CTNNA3: variants seen among roughly 807,000 people sequenced by gnomAD.
CTNNA3 encodes catenin alpha 3, also known as catenin alpha-3.
In CTNNA3, 76 loss-of-function variants were observed where a neutral mutation model predicts 95.7. The observed-to-expected ratio is 0.79, with a 90% CI of 0.66 to 0.96. CTNNA3 has a LOEUF of 0.96. CTNNA3 is among the 40% of genes least tolerant of loss of function. The probability of loss-of-function intolerance (pLI) is 0.00; values close to 1 mark genes in which losing one functional copy is unlikely to be tolerated. For missense variants in CTNNA3, 1,191 were observed against 1,089.8 expected (o/e 1.09, Z -1.31); for synonymous variants, 431 against 374.4 (o/e 1.15, Z -1.74).
At chr10:67,335,470 T>C (rs1321494175) in intron 5 of CTNNA3, among the ~76,000 whole-genome samples, 1 of 152,258 alleles carries the variant, frequency 6.6e-6, no homozygotes, top group Non-Finnish European at 1.5e-5. Flanking sequence ...TGTGTGGTGA[T>C]AGGAGGTGCT....
intron 11 of CTNNA3, among the ~76,000 whole-genome samples, chr10:66,505,766 A>G (rs562186539): frequency 7.2e-5 from 11 of 152,158 alleles, no homozygotes; most frequent in Non-Finnish European, 1.6e-4. Context: ...TCTAAGGGCC[A>G]TTAAGGATTA....
chr10:67,753,997 A>G (rs1163520709), intron 1 of CTNNA3, among the ~76,000 whole-genome samples: 4 of 152,254 alleles, frequency 2.6e-5, no homozygotes, highest in Non-Finnish European at 5.9e-5. Context: ...TCATTCTATT[A>G]TAAAGATACA....
Position 67,152,518 on chromosome 10 carries a change from A to C in CTNNA3, c.1047+27799T>G, listed in dbSNP as rs188630702. On this transcript the variant is annotated intron_variant, in intron 7 of 17. Coordinates refer to ENST00000433211, the MANE Select transcript of CTNNA3 (RefSeq NM_013266.4). The stretch of plus-strand genomic sequence containing the variant: ...ATGCAATTAGATGAAATGCATATAA[A>C]GATGGTGACTTATGAAATGACAAAG... Among the ~76,000 whole-genome samples, 245 of 152,340 alleles carry C rather than the reference A, an allele frequency of 1.6e-3. 2 individuals are homozygous for C. The highest frequency in any genetic ancestry group is 1.8e-3 in the Non-Finnish European group (125 of 68,028).
intron 9 of CTNNA3, among the ~76,000 whole-genome samples, chr10:66,734,081 T>A (rs1481627936): frequency 6.6e-6 from 1 of 151,988 alleles, no homozygotes; most frequent in South Asian, 2.1e-4. Flanking sequence ...TTTATTCAAT[T>A]CTTATTTTTC....
intron 15 of CTNNA3, among the ~76,000 whole-genome samples, chr10:66,034,341 C>G (rs1352780755): frequency 6.6e-6 from 1 of 151,910 alleles, no homozygotes; most frequent in Non-Finnish European, 1.5e-5. Flanking sequence ...GCATACTTCT[C>G]TATTCAATTT....
intron 7 of CTNNA3, among the ~76,000 whole-genome samples, chr10:67,109,135 A>G (rs576408586): frequency 6.6e-6 from 1 of 152,320 alleles, no homozygotes; most frequent in East Asian, 1.9e-4. Flanking sequence ...TGGGCTGTGC[A>G]ATTTAAATTT....
At chr10:67,503,891 C>T (rs1465337780) in intron 5 of CTNNA3, among the ~76,000 whole-genome samples, 4 of 152,206 alleles carry the variant, frequency 2.6e-5, no homozygotes, top group Non-Finnish European at 4.4e-5. Context: ...GGCGCGGTGG[C>T]TCATGCCTGT....
intron 12 of CTNNA3, among the ~76,000 whole-genome samples, chr10:66,336,988 G>A (rs1325034133): frequency 3.3e-5 from 5 of 152,052 alleles, no homozygotes; most frequent in Non-Finnish European, 5.9e-5. Context: ...CAGATTGACT[G>A]CAGAAGCAGA....
chr10:67,681,669 CCTTT>C (rs1174888495), intron 1 of CTNNA3, among the ~76,000 whole-genome samples: 1 of 151,594 alleles, frequency 6.6e-6, no homozygotes. Flanking sequence ...AGCAGAAAGC[CCTTT>C]CTAAGCAAAA....
chr10:66,294,460 A>G (rs575655307), intron 12 of CTNNA3, among the ~76,000 whole-genome samples: 2 of 152,322 alleles, frequency 1.3e-5, no homozygotes, highest in Non-Finnish European at 2.9e-5. Flanking sequence ...TCACTGGAAT[A>G]AAAGGTTGTG....
intron 10 of CTNNA3, among the ~76,000 whole-genome samples, chr10:66,571,902 G>A (rs572537112): frequency 1.6e-4 from 24 of 152,214 alleles, no homozygotes; most frequent in South Asian, 6.2e-4. Context: ...AATCACTGAC[G>A]CATTTTTTAA....
At chr10:65,972,553 T>C (rs1212563302) in intron 16 of CTNNA3, among the ~76,000 whole-genome samples, 1 of 151,948 alleles carries the variant, frequency 6.6e-6, no homozygotes, top group African/African-American at 2.4e-5. Flanking sequence ...ACATTCAAGT[T>C]GAGAACCAAA....
Position 67,124,267 on chromosome 10 carries a change from A to G in CTNNA3, c.1047+56050T>C, listed in dbSNP as rs981932197. Among the ~76,000 whole-genome samples, 3 of 151,700 alleles carry G rather than the reference A, an allele frequency of 2.0e-5. No individual in the cohort carries two copies. The East Asian group carries it at 5.8e-4, about 29-fold the overall frequency. On this transcript the variant is annotated intron_variant, in intron 7 of 17. Transcript: ENST00000433211. ...CTGTTACTTATACTTAATTATGATT[A>G]ATGGGAGCCAGTCTTCTCGCTTCCT...
intron 1 of CTNNA3, among the ~76,000 whole-genome samples, chr10:67,676,635 G>C (rs1194920871): frequency 6.6e-6 from 1 of 152,136 alleles, no homozygotes; most frequent in African/African-American, 2.4e-5. Context: ...CTTTGTTGAA[G>C]GATGCTGGTG....
chr10:67,547,848 T>C (rs1452175630), intron 3 of CTNNA3, among the ~76,000 whole-genome samples: 4 of 152,346 alleles, frequency 2.6e-5, no homozygotes, highest in African/African-American at 9.6e-5. Context: ...ACTTGTACAC[T>C]GAAAACTGCA....
intron 7 of CTNNA3, among the ~76,000 whole-genome samples, chr10:67,120,902 G>A (rs1564905003): frequency 6.6e-6 from 1 of 151,984 alleles, no homozygotes; most frequent in Non-Finnish European, 1.5e-5. Context: ...TACCATTAAC[G>A]TATAAATAAA....
intron 9 of CTNNA3, among the ~76,000 whole-genome samples, chr10:66,753,552 C>G (rs1839245118): frequency 6.6e-6 from 1 of 151,788 alleles, no homozygotes; most frequent in Non-Finnish European, 1.5e-5. Flanking sequence ...ATCCCAGCTA[C>G]TCGGGAGGCT....
At chr10:66,434,285 G>T (rs1190216377) in intron 11 of CTNNA3, among the ~76,000 whole-genome samples, 2 of 152,108 alleles carry the variant, frequency 1.3e-5, no homozygotes, top group African/African-American at 4.8e-5. Flanking sequence ...AGCATGGAAT[G>T]ATTTTCTGTT....
intron 15 of CTNNA3, among the ~76,000 whole-genome samples, chr10:66,016,695 C>T (rs115164550): frequency 0.013 from 1,908 of 152,216 alleles, 31 homozygotes; most frequent in African/African-American, 0.044. Flanking sequence ...CTCAGTAGAA[C>T]TAGTCCCTAT....
Sources: allele counts gnomAD v4.1 joint callset (sites outside exome capture counted in the v4.1 genomes callset), GRCh38; gene constraint gnomAD v4.1.1; transcripts MANE v1.5; gene names NCBI Gene and HGNC (gene_info 2026-07-23, HGNC 2026-07-21).